Variants in PALLD observed in about 807,000 individuals in gnomAD.
The protein encoded by PALLD is palladin.
PALLD carries 61 observed loss-of-function variants against 123.5 expected under a neutral mutation model. That is an observed-to-expected ratio of 0.49 (90% CI 0.40 to 0.61). PALLD has a LOEUF of 0.61. PALLD is among the 20% of genes least tolerant of loss of function. The probability of loss-of-function intolerance (pLI) is 0.00; values close to 1 mark genes in which losing one functional copy is unlikely to be tolerated. For synonymous variants in PALLD, 465 were observed against 496.4 expected (o/e 0.94, Z 0.84); for missense variants, 1,273 against 1,377.0 (o/e 0.92, Z 1.20).
At chr4:168,877,811 G>A (rs1245383255) in intron 10 of PALLD, 7 of 1,253,384 alleles carry the variant, frequency 5.6e-6, no homozygotes, top group African/African-American at 3.2e-5. Flanking sequence ...CCCGCGCAGC[G>A]CGCCGCCCTC....
chr4:168,720,390 G>A (rs972782030), intron 10 of PALLD, among the ~76,000 whole-genome samples: 1 of 152,164 alleles, frequency 6.6e-6, no homozygotes. Flanking sequence ...CATTATCCTC[G>A]AAGGCTAGTC....
chr4:168,691,567 T>A (rs1782635444), intron 8 of PALLD, among the ~76,000 whole-genome samples: 1 of 152,160 alleles, frequency 6.6e-6, no homozygotes, highest in Non-Finnish European at 1.5e-5. Context: ...AAATACAGTC[T>A]TTTAGGCTCA....
intron 3 of PALLD, among the ~76,000 whole-genome samples, chr4:168,672,880 A>T (rs749105016): frequency 2.8e-4 from 43 of 152,154 alleles, no homozygotes; most frequent in Non-Finnish European, 4.4e-4. Context: ...AATGACCAAG[A>T]TCACACATAT....
At chr4:168,516,094 T>C (rs1439568070) in intron 2 of PALLD, among the ~76,000 whole-genome samples, 2 of 152,232 alleles carry the variant, frequency 1.3e-5, no homozygotes, top group Non-Finnish European at 2.9e-5. Flanking sequence ...GTTTTCCTCC[T>C]TTATTATTGC....
At chr4:168,572,331 G>A (rs1769079242) in intron 2 of PALLD, among the ~76,000 whole-genome samples, 1 of 152,048 alleles carries the variant, frequency 6.6e-6, no homozygotes, top group South Asian at 2.1e-4. Flanking sequence ...CCATGATATA[G>A]ATATATTTGC....
chr4:168,735,585 C>G (rs1262109137), intron 10 of PALLD, among the ~76,000 whole-genome samples: 1 of 152,160 alleles, frequency 6.6e-6, no homozygotes, highest in Non-Finnish European at 1.5e-5. Context: ...AAAACCCATT[C>G]ATACTTTGAG....
chr4:168,788,638 T>A (rs1232972436), intron 10 of PALLD, among the ~76,000 whole-genome samples: 1 of 152,096 alleles, frequency 6.6e-6, no homozygotes, highest in Non-Finnish European at 1.5e-5. Context: ...GTGATAATCA[T>A]GTGTCATGAG....
Position 168,512,165 on chromosome 4 carries a change from C to T in PALLD, c.661C>T (p.Gln221Ter). 6.2e-7 allele frequency: 1 copy of T among 1,614,136 alleles called. No individual in the cohort carries two copies. Among genetic ancestry groups the T allele is most frequent in the African/African-American group, 1.3e-5 (1 of 75,038 alleles). ...AGCCCTGCTGAGTGCCTCAGCCAGC[C>T]AGAGCCCTATGGAAGACCAAGGGGA... ...PSALLSASAS[Q>*]SPMEDQGEME... The change falls in exon 2 of 22, where the codon CAG (glutamine) becomes TAG (stop). Residue 221 changes from glutamine to a stop codon, truncating the protein, a stop_gained. Transcript: ENST00000505667. LOFTEE classifies it high-confidence loss of function.
intron 8 of PALLD, among the ~76,000 whole-genome samples, chr4:168,708,803 G>C (rs936126717): frequency 2.0e-5 from 3 of 152,112 alleles, no homozygotes; most frequent in African/African-American, 7.2e-5. Context: ...CACCGAGACT[G>C]CTCTTGTCCA....
intron 2 of PALLD, among the ~76,000 whole-genome samples, chr4:168,602,587 A>G (rs1580525740): frequency 6.6e-6 from 1 of 152,216 alleles, no homozygotes; most frequent in Non-Finnish European, 1.5e-5. Flanking sequence ...TCTGTTGCTC[A>G]GCGTATGATA....
chr4:168,751,338 C>A (rs6854697), intron 10 of PALLD, among the ~76,000 whole-genome samples: 88,880 of 151,916 alleles, frequency 0.59, 26,782 homozygotes, highest in African/African-American at 0.74. Context: ...GAAGCCTCTC[C>A]GGCAGTATAA....
rs199608686 is a variant in PALLD, at chr4:168,924,458, C to T, written c.3224+38C>T. ...AATGAGAACCTGATCCTTAACTGTTCAGTCCTAATGATGTATCAAAAGATA... is the reference window on the plus strand; with the variant it reads ...AATGAGAACCTGATCCTTAACTGTTTAGTCCTAATGATGTATCAAAAGATA... On this transcript the variant is annotated intron_variant, in intron 19 of 21. Coordinates refer to ENST00000505667, the MANE Select transcript of PALLD (RefSeq NM_001166108.2). The T allele has an allele frequency of 4.5e-6, 7 of 1,555,374 alleles. No individual in the cohort carries two copies. In the Admixed American group the frequency reaches 1.0e-4, roughly 22 times the overall value.
chr4:168,718,091 T>C (rs988979831), intron 10 of PALLD, among the ~76,000 whole-genome samples: 5 of 152,198 alleles, frequency 3.3e-5, no homozygotes, highest in Non-Finnish European at 7.3e-5. Flanking sequence ...TGCTACTCCC[T>C]TCCTGTCCTG....
At chr4:168,880,457 T>C (rs928369888) in intron 10 of PALLD, among the ~76,000 whole-genome samples, 52 of 152,218 alleles carry the variant, frequency 3.4e-4, no homozygotes, top group African/African-American at 1.2e-3. Flanking sequence ...GGTTACCGTT[T>C]TGTCCTCAAG....
intron 10 of PALLD, among the ~76,000 whole-genome samples, chr4:168,807,228 T>C (rs932375029): frequency 6.6e-6 from 1 of 151,522 alleles, no homozygotes; most frequent in Non-Finnish European, 1.5e-5. Context: ...CTAAAGGCTT[T>C]AGGGAGAAAT....
At chr4:168,785,841 G>GTATATATATATATATATATATATA (rs1736633427) in intron 10 of PALLD, among the ~76,000 whole-genome samples, 1 of 51,570 alleles carries the variant, frequency 1.9e-5, no homozygotes, top group Non-Finnish European at 4.6e-5. Context: ...CTAATAAACT[G>GTATATATATATATATATATATATA]TAGAGATATA....
At chr4:168,803,833 G>A (rs1739731196) in intron 10 of PALLD, among the ~76,000 whole-genome samples, 2 of 152,218 alleles carry the variant, frequency 1.3e-5, no homozygotes, top group South Asian at 4.1e-4. Flanking sequence ...TGGCATGGGA[G>A]AGGACTTCAG....
At chr4:168,785,235 C>T (rs1203021332) in intron 10 of PALLD, among the ~76,000 whole-genome samples, 1 of 152,050 alleles carries the variant, frequency 6.6e-6, no homozygotes, top group Admixed American at 6.5e-5. Context: ...AAGGGGAGCA[C>T]TGTGCGCTCT....
At chr4:168,688,518 G>T (rs1253117287) in intron 6 of PALLD, among the ~76,000 whole-genome samples, 4 of 152,094 alleles carry the variant, frequency 2.6e-5, no homozygotes, top group Admixed American at 1.3e-4. Flanking sequence ...AACCCCCAGG[G>T]CCCCCAGATC....
Sources: allele counts gnomAD v4.1 joint callset (sites outside exome capture counted in the v4.1 genomes callset), GRCh38; gene constraint gnomAD v4.1.1; transcripts MANE v1.5; gene names NCBI Gene and HGNC (gene_info 2026-07-23, HGNC 2026-07-21).